CCNJL: variants seen among roughly 807,000 people sequenced by gnomAD.
CCNJL encodes cyclin-J-like protein.
A neutral mutation model predicts 33.4 loss-of-function variants in CCNJL; 33 were observed. That is an observed-to-expected ratio of 0.99 (90% CI 0.75 to 1.32). The LOEUF (loss-of-function observed/expected upper bound fraction) is 1.32, where lower values mean the gene tolerates loss of function less well. CCNJL is among the 40% of genes most tolerant of loss of function. The pLI, the probability that CCNJL is intolerant of heterozygous loss-of-function variation, is 0.00. For synonymous variants in CCNJL, 227 were observed against 220.9 expected (o/e 1.03, Z -0.24); for missense variants, 512 against 499.7 (o/e 1.02, Z -0.23).
At chr5:160,263,783 T>A (rs1761449737) in intron 3 of CCNJL, among the ~76,000 whole-genome samples, 1 of 152,212 alleles carries the variant, frequency 6.6e-6, no homozygotes, top group African/African-American at 2.4e-5. Context: ...CTCAACAACC[T>A]TTAGCTCAAT....
In CCNJL at chr5:160,249,093, G is replaced by C. The variant is rs187537556; in HGVS notation, c.*4285C>G. On this transcript the variant is annotated 3_prime_UTR_variant, in exon 6 of 6. Coordinates refer to ENST00000257536, the MANE Select transcript of CCNJL (RefSeq NM_001308173.3). ...ATAAAAGATCTGGAATCAGTCTTTA[G>C]CAACTTTAATACTTCTTGATTTTTT... The C allele has an allele frequency of 9.7e-4, 147 of 152,280 alleles. No homozygotes were observed. Among genetic ancestry groups the C allele is most frequent in the African/African-American group, 3.4e-3 (141 of 41,552 alleles). 9.4% of individuals were successfully genotyped at this position (152,280 alleles called of 1,614,324 possible).
At chr5:160,283,010 C>CATAT (rs1160073062) in intron 2 of CCNJL, among the ~76,000 whole-genome samples, 36 of 27,964 alleles carry the variant, frequency 1.3e-3, no homozygotes, top group Non-Finnish European at 1.9e-3. Flanking sequence ...TATATATATA[C>CATAT]ATATATATAT....
At chr5:160,337,016 T>C (rs1275014424) in intron 1 of CCNJL, among the ~76,000 whole-genome samples, 2 of 145,812 alleles carry the variant, frequency 1.4e-5, no homozygotes, top group Non-Finnish European at 3.0e-5. Flanking sequence ...TTTTTTTTTT[T>C]TTTTTTTGAC....
At chr5:160,308,775 A>T (rs959592741) in intron 2 of CCNJL, among the ~76,000 whole-genome samples, 1 of 152,116 alleles carries the variant, frequency 6.6e-6, no homozygotes, top group Admixed American at 6.5e-5. Flanking sequence ...AACCAACCAA[A>T]CAAACAAAAA....
chr5:160,282,966 A>AATATATATATATATATATATATATGTAT (rs1762263229), intron 2 of CCNJL, among the ~76,000 whole-genome samples: 1 of 43,394 alleles, frequency 2.3e-5, no homozygotes, highest in African/African-American at 7.3e-5. Context: ...CAGTCCTTGG[A>AATATATATATATATATATATATATGTAT]ATATATATAT....
chr5:160,310,383 C>T (rs1030703792), intron 2 of CCNJL, among the ~76,000 whole-genome samples: 5 of 152,086 alleles, frequency 3.3e-5, no homozygotes, highest in Non-Finnish European at 5.9e-5. Flanking sequence ...TGCCAAGCAA[C>T]GCAGGACAAA....
chr5:160,267,885 A>C (rs920877358), intron 3 of CCNJL, among the ~76,000 whole-genome samples: 1 of 152,112 alleles, frequency 6.6e-6, no homozygotes, highest in African/African-American at 2.4e-5. Context: ...TCTTGACTTC[A>C]ATCTCTCCTT....
At chr5:160,287,173 G>A (rs995089333) in intron 2 of CCNJL, among the ~76,000 whole-genome samples, 4 of 152,110 alleles carry the variant, frequency 2.6e-5, no homozygotes, top group Non-Finnish European at 4.4e-5. Flanking sequence ...TGGGGGTCAC[G>A]CTGCCGTAAA....
rs760512181 is a variant in CCNJL, at chr5:160,259,732, T to A, written c.320A>T (p.Glu107Val). 1 of 1,613,332 alleles carries A rather than the reference T, an allele frequency of 6.2e-7. No individual in the cohort carries two copies. Among genetic ancestry groups the A allele is most frequent in the Admixed American group, 1.7e-5 (1 of 59,986 alleles). The change falls in exon 4 of 6, where the codon GAG (glutamate) becomes GTG (valine). Residue 107 changes from glutamate (E) to valine (V), a missense_variant. Coordinates refer to ENST00000257536, the MANE Select transcript of CCNJL (RefSeq NM_001308173.3). ...EDREDHVPKL[E>V]QINSTRILSS... ...CAGGATCCTCGTGCTGTTTATTTGC[T>A]CCAACTTGGGGACGTGGTCTTCCCG...
At chr5:160,286,919 C>T (rs1266171734) in intron 2 of CCNJL, among the ~76,000 whole-genome samples, 5 of 152,058 alleles carry the variant, frequency 3.3e-5, no homozygotes, top group Admixed American at 3.3e-4. Context: ...CTCTTTGTGG[C>T]CGAAAATTTA....
chr5:160,299,529 A>G (rs1762858266), intron 2 of CCNJL, among the ~76,000 whole-genome samples: 1 of 152,142 alleles, frequency 6.6e-6, no homozygotes, highest in Admixed American at 6.5e-5. Context: ...ACCATTTCTG[A>G]GACAACAGAG....
At chr5:160,283,418 T>G (rs932625831) in intron 2 of CCNJL, among the ~76,000 whole-genome samples, 1 of 152,166 alleles carries the variant, frequency 6.6e-6, no homozygotes, top group East Asian at 1.9e-4. Flanking sequence ...TGTCATTAGA[T>G]AGTGGTGATG....
chr5:160,272,797 T>C (rs1761883103), intron 3 of CCNJL, among the ~76,000 whole-genome samples: 1 of 152,202 alleles, frequency 6.6e-6, no homozygotes, highest in African/African-American at 2.4e-5. Context: ...AAATCTTCAG[T>C]GTTACCTACC....
intron 2 of CCNJL, among the ~76,000 whole-genome samples, chr5:160,295,898 C>T (rs537389817): frequency 2.0e-5 from 3 of 152,298 alleles, no homozygotes; most frequent in East Asian, 1.9e-4. Flanking sequence ...ACCTAATACA[C>T]CCTCTATTTC....
At chr5:160,321,798 G>A (rs906797818) in intron 1 of CCNJL, among the ~76,000 whole-genome samples, 3 of 152,130 alleles carry the variant, frequency 2.0e-5, no homozygotes, top group African/African-American at 7.2e-5. Context: ...AATTAGTTGG[G>A]TGTGGAGCCG....
intron 1 of CCNJL, among the ~76,000 whole-genome samples, chr5:160,328,951 A>G (rs1420572752): frequency 6.6e-6 from 1 of 152,164 alleles, no homozygotes; most frequent in African/African-American, 2.4e-5. Flanking sequence ...AGAAAGATTG[A>G]GTAACTTATC....
At chr5:160,305,371 G>A (rs1031944517) in intron 2 of CCNJL, among the ~76,000 whole-genome samples, 2 of 152,242 alleles carry the variant, frequency 1.3e-5, no homozygotes, top group African/African-American at 4.8e-5. Context: ...TCCCTGGCAA[G>A]TTAGGGACAG....
At chr5:160,291,310 A>G (rs1762577444) in intron 2 of CCNJL, among the ~76,000 whole-genome samples, 1 of 152,116 alleles carries the variant, frequency 6.6e-6, no homozygotes, top group South Asian at 2.1e-4. Context: ...TCTGTGGCAC[A>G]CTAGTCCCAA....
At chr5:160,303,361 A>G (rs1355316443) in intron 2 of CCNJL, among the ~76,000 whole-genome samples, 3 of 152,052 alleles carry the variant, frequency 2.0e-5, no homozygotes, top group African/African-American at 7.2e-5. Context: ...ACTCATCACC[A>G]TACCCAGCTA....
Sources: gnomAD v4.1 joint callset for allele counts (sites outside exome capture counted in the v4.1 genomes callset) on GRCh38, gnomAD v4.1.1 for gene constraint, MANE v1.5 for transcripts, NCBI Gene and HGNC (gene_info 2026-07-23, HGNC 2026-07-21) for gene names.